RYR2: variants seen among roughly 807,000 people sequenced by gnomAD.
The protein encoded by RYR2 is ryanodine receptor 2.
A neutral mutation model predicts 601.1 loss-of-function variants in RYR2; 227 were observed. That is an observed-to-expected ratio of 0.38 (90% CI 0.34 to 0.42). The LOEUF (loss-of-function observed/expected upper bound fraction) is 0.42. Among genes scored for constraint, RYR2 ranks in the 10% least tolerant of loss-of-function variants. RYR2 has a pLI of 1.00. For synonymous variants in RYR2, 2,223 were observed against 2,175.1 expected (o/e 1.02, Z -0.61); for missense variants, 4,646 against 6,156.5 (o/e 0.75, Z 8.21).
intron 100 of RYR2, among the ~76,000 whole-genome samples, chr1:237,815,944 G>A (rs552638215): frequency 6.6e-6 from 1 of 152,128 alleles, no homozygotes; most frequent in Non-Finnish European, 1.5e-5. Context: ...AGACTCCCAA[G>A]TGCAAGACCA....
At chr1:237,573,830 A>G (rs760386392) in intron 29 of RYR2, among the ~76,000 whole-genome samples, 29 of 151,876 alleles carry the variant, frequency 1.9e-4, no homozygotes, top group Non-Finnish European at 3.5e-4. Context: ...AATGAAAATA[A>G]AAAGATGCTG....
chr1:237,732,183 G>A (rs1196238041), intron 78 of RYR2, 34 bp downstream of exon 78: 7 of 1,306,548 alleles, frequency 5.4e-6, no homozygotes, highest in African/African-American at 1.5e-5. Flanking sequence ...AGACATAGGA[G>A]GAGCAAATAA....
At chr1:237,602,202 C>A in intron 35 of RYR2, 91 bp downstream of exon 35, 1 of 868,454 alleles carries the variant, frequency 1.2e-6, no homozygotes, top group South Asian at 2.0e-5. Flanking sequence ...TATATTAGTA[C>A]TGATATGAAT....
intron 24 of RYR2, among the ~76,000 whole-genome samples, chr1:237,526,466 C>G (rs1359947368): frequency 1.3e-5 from 2 of 151,924 alleles, no homozygotes; most frequent in Non-Finnish European, 2.9e-5. Flanking sequence ...TCTGCCTCAG[C>G]CTTTAGAGTA....
At chr1:237,452,953 T>C (rs573172706) in intron 14 of RYR2, among the ~76,000 whole-genome samples, 2 of 152,050 alleles carry the variant, frequency 1.3e-5, no homozygotes, top group Non-Finnish European at 2.9e-5. Context: ...ATGGTAGATA[T>C]GTTTATTTCA....
chr1:237,642,916 T>C (rs931988492), intron 47 of RYR2, among the ~76,000 whole-genome samples: 2 of 152,252 alleles, frequency 1.3e-5, no homozygotes, highest in African/African-American at 4.8e-5. Flanking sequence ...AATTTGGTCA[T>C]AAATATTAGT....
At chr1:237,809,691 A>G (rs1236211555) in intron 100 of RYR2, among the ~76,000 whole-genome samples, 1 of 152,132 alleles carries the variant, frequency 6.6e-6, no homozygotes. Context: ...AAATACCTAC[A>G]TCATTTGTGT....
At chr1:237,277,790 A>G (rs534762164) in intron 2 of RYR2, among the ~76,000 whole-genome samples, 1 of 152,324 alleles carries the variant, frequency 6.6e-6, no homozygotes, top group East Asian at 1.9e-4. Context: ...ACTGCATTGC[A>G]GCCTAGGTGA....
rs1298825125 is a variant in RYR2 at position 237,103,481 on chromosome 1, C to T, written c.48+60912C>T. 3.9e-5 allele frequency among the ~76,000 whole-genome samples: 6 copies of T among 152,348 alleles called. No homozygotes were observed. In the East Asian group the frequency reaches 5.8e-4, roughly 15 times the overall value. On this transcript the variant is annotated intron_variant, in intron 1 of 104. Coordinates refer to ENST00000366574, the MANE Select transcript of RYR2 (RefSeq NM_001035.3). ...ACCTCAGGTGTTGGTGCTGAATTAT[C>T]GTAACTGCTTCTGTGTGTGTCTGGG...
intron 101 of RYR2, among the ~76,000 whole-genome samples, chr1:237,823,874 A>G (rs948221797): frequency 2.0e-5 from 3 of 152,220 alleles, no homozygotes; most frequent in African/African-American, 4.8e-5. Context: ...AGATATACAA[A>G]CTACCATCAG....
chr1:237,814,036 C>T lies in RYR2; in HGVS notation c.14434-5000C>T, dbSNP rs77450745. On this transcript the variant is annotated intron_variant, in intron 100 of 104. Transcript: ENST00000366574. ...CACACGCTCATATCCCAGTAATTGT[C>T]CCTAAAAACTCCCACATGGGAATGG... Among the ~76,000 whole-genome samples, 527 of 152,304 alleles carry T rather than the reference C, an allele frequency of 3.5e-3. 8 individuals carry two copies. In the East Asian group the frequency reaches 0.055, roughly 16 times the overall value.
At chr1:237,307,865 G>T (rs576138851) in intron 2 of RYR2, among the ~76,000 whole-genome samples, 1 of 152,168 alleles carries the variant, frequency 6.6e-6, no homozygotes, top group Admixed American at 6.5e-5. Flanking sequence ...TAACAACATT[G>T]TGCAATAAAG....
intron 1 of RYR2, among the ~76,000 whole-genome samples, chr1:237,240,653 C>CG (rs1336509768): frequency 1.2e-5 from 1 of 81,138 alleles, no homozygotes; most frequent in Admixed American, 1.8e-4. Flanking sequence ...GTATTGCCCC[C>CG]TCTATAAAAG....
chr1:237,400,365 A>G (rs1465166493), intron 10 of RYR2, among the ~76,000 whole-genome samples: 1 of 152,168 alleles, frequency 6.6e-6, no homozygotes, highest in African/African-American at 2.4e-5. Flanking sequence ...AGGTGGCAAG[A>G]GGTCAGAAGG....
At chr1:237,154,630 T>G (rs1050369054) in intron 1 of RYR2, among the ~76,000 whole-genome samples, 52 of 152,138 alleles carry the variant, frequency 3.4e-4, no homozygotes, top group African/African-American at 1.2e-3. Context: ...CTGGGCAACA[T>G]AGCAAGACCC....
At chr1:237,309,193 A>C (rs6702456) in intron 2 of RYR2, among the ~76,000 whole-genome samples, 30,026 of 94,824 alleles carry the variant, frequency 0.32, 4,021 homozygotes, top group African/African-American at 0.39. Context: ...AAACCTTGAG[A>C]TAGACACAGG....
intron 81 of RYR2, 63 bp downstream of exon 81, chr1:237,756,450 G>T: frequency 9.2e-7 from 1 of 1,081,310 alleles, no homozygotes. Context: ...TGCTCTCAAG[G>T]TCCTCCCTCA....
chr1:237,417,513 CTG>C (rs1178868605), intron 11 of RYR2, among the ~76,000 whole-genome samples: 1 of 152,148 alleles, frequency 6.6e-6, no homozygotes, highest in African/African-American at 2.4e-5. Flanking sequence ...ATCTGACAGA[CTG>C]TGGATTTAAC....
intron 1 of RYR2, among the ~76,000 whole-genome samples, chr1:237,200,058 C>G (rs964606352): frequency 2.0e-5 from 3 of 152,106 alleles, no homozygotes; most frequent in Non-Finnish European, 4.4e-5. Context: ...TGAGATAGGT[C>G]TGTTACTATC....
Sources: gnomAD v4.1 joint callset for allele counts (sites outside exome capture counted in the v4.1 genomes callset) on GRCh38, gnomAD v4.1.1 for gene constraint, MANE v1.5 for transcripts, NCBI Gene and HGNC (gene_info 2026-07-23, HGNC 2026-07-21) for gene names.